Variants in EYA3 observed in about 807,000 individuals in gnomAD.
EYA3 encodes protein phosphatase EYA3.
Under a neutral mutation model 80.0 loss-of-function variants are expected in EYA3, and 39 were observed. That is an observed-to-expected ratio of 0.49 (90% CI 0.38 to 0.64). The LOEUF (loss-of-function observed/expected upper bound fraction) is 0.64, where lower values mean the gene tolerates loss of function less well. Among genes scored for constraint, EYA3 ranks in the 30% least tolerant of loss-of-function variants. The probability of loss-of-function intolerance (pLI) is 0.00; values close to 1 mark genes in which losing one functional copy is unlikely to be tolerated. For synonymous variants in EYA3, 206 were observed against 232.8 expected (o/e 0.88, Z 1.05); for missense variants, 523 against 676.1 (o/e 0.77, Z 2.51).
Position 28,013,320 on chromosome 1 carries a change from C to G in EYA3, c.586-26G>C, listed in dbSNP as rs756316046. 1 of 1,578,234 alleles carries G rather than the reference C, an allele frequency of 6.3e-7. No homozygotes were observed. Among genetic ancestry groups the G allele is most frequent in the East Asian group, 2.3e-5 (1 of 44,424 alleles). ...CTGCAGGCCAAAGGAAATAAGAAAA[C>G]AAGACTCTTATAGCATACATTAATC... On this transcript the variant is annotated intron_variant, in intron 8 of 17. Transcript: ENST00000373871. This position sits in a 1 kb window ranked among gnomAD's most constrained non-coding sequence, Gnocchi z 4.0.
chr1:28,042,438 A>G, intron 4 of EYA3, 133 bp downstream of exon 4: 1 of 714,404 alleles, frequency 1.4e-6, no homozygotes, highest in South Asian at 1.8e-5. Flanking sequence ...ATAAACACAC[A>G]CAAAAACAAG....
intron 6 of EYA3, among the ~76,000 whole-genome samples, chr1:28,033,659 TATTATTA>T (rs1557595746): frequency 8.4e-5 from 12 of 143,208 alleles, no homozygotes; most frequent in Non-Finnish European, 1.4e-4. Flanking sequence ...TTATTATTAT[TATTATTA>T]TTATTTTTGA....
At chr1:28,021,729 C>G (rs4908388) in intron 7 of EYA3, among the ~76,000 whole-genome samples, 60,550 of 151,408 alleles carry the variant, frequency 0.4, 12,713 homozygotes, top group Middle Eastern at 0.51. Context: ...TCAGCCTCCC[C>G]GAGTAGCTGG....
chr1:28,059,291 G>T (rs1431113248), intron 1 of EYA3, among the ~76,000 whole-genome samples: 7 of 152,118 alleles, frequency 4.6e-5, no homozygotes, highest in African/African-American at 1.7e-4. Flanking sequence ...AATATCAAAA[G>T]AAAAAAGAAG....
intron 1 of EYA3, among the ~76,000 whole-genome samples, chr1:28,070,474 A>C (rs1571950417): frequency 6.6e-6 from 1 of 152,262 alleles, no homozygotes; most frequent in Non-Finnish European, 1.5e-5. Flanking sequence ...AGGCAGAAGA[A>C]TCACTTGAAC....
At chr1:28,075,411 G>C (rs1645165827) in intron 1 of EYA3, among the ~76,000 whole-genome samples, 1 of 152,190 alleles carries the variant, frequency 6.6e-6, no homozygotes, top group Non-Finnish European at 1.5e-5. Context: ...AAGGGGAAAG[G>C]TTGTTTGTAC....
chr1:28,077,471 T>C (rs1259172052), intron 1 of EYA3, among the ~76,000 whole-genome samples: 2 of 152,076 alleles, frequency 1.3e-5, no homozygotes, highest in Non-Finnish European at 2.9e-5. Flanking sequence ...TAGTAAAAAG[T>C]ATTAAGAAGG....
intron 1 of EYA3, among the ~76,000 whole-genome samples, chr1:28,062,750 C>T (rs1644680717): frequency 6.6e-6 from 1 of 151,404 alleles, no homozygotes; most frequent in African/African-American, 2.4e-5. Context: ...CCTGTAATCC[C>T]AGCACTTTAG....
intron 16 of EYA3, among the ~76,000 whole-genome samples, chr1:27,987,686 C>T (rs949083459): frequency 2.6e-5 from 4 of 152,096 alleles, no homozygotes; most frequent in Admixed American, 6.5e-5. Flanking sequence ...CTTGTCAATA[C>T]CTTTTATTTA....
chr1:28,021,869 T>C (rs946195357), intron 7 of EYA3, among the ~76,000 whole-genome samples: 5 of 152,092 alleles, frequency 3.3e-5, no homozygotes, highest in Non-Finnish European at 7.4e-5. Context: ...CCTCTCAAAG[T>C]GCTGGGATTA....
chr1:28,048,384 T>C lies in EYA3; in HGVS notation c.76A>G (p.Ser26Gly), dbSNP rs111830914. 3.1e-6 allele frequency: 5 copies of C among 1,609,276 alleles called. No homozygotes were observed. The highest frequency in any genetic ancestry group is 1.3e-5 in the African/African-American group (1 of 74,768). ...AAAAAGAAAGCAAACTTTACATACCTTATAGTTTGCTCTCCTGATTCCTGC... is the reference window on the plus strand; with the variant it reads ...AAAAAGAAAGCAAACTTTACATACCCTATAGTTTGCTCTCCTGATTCCTGC... ...KMQESGEQTI[S>G]QVSNPDVSDQ... The change falls in exon 3 of 18, where the codon AGT becomes GGT. Residue 26 changes from serine to glycine, a missense_variant and splice_region_variant. By Grantham distance (56) the Ser-to-Gly change is moderately conservative (BLOSUM62 0). This residue lies in a region of EYA3 where 304 missense variants were observed against 343.3 expected (regional missense o/e 0.89). Coordinates refer to ENST00000373871, the MANE Select transcript of EYA3 (RefSeq NM_001990.4).
In EYA3 at chr1:27,971,466, C is replaced by T. The variant is rs1487883410; in HGVS notation, c.*3000G>A. 3 of 152,086 alleles carry T rather than the reference C, an allele frequency of 2.0e-5. No homozygotes were observed. Among genetic ancestry groups the T allele is most frequent in the South Asian group, 2.1e-4 (1 of 4,812 alleles). The allele number at this position is 152,086 out of a possible 1,614,324, so 9.4% of individuals were successfully genotyped here. ...AAAATTAGCCAGGCGTGGTGGTGGG[C>T]GCCTGTAATCTCAGCTAATCAGGAG... On this transcript the variant is annotated 3_prime_UTR_variant, in exon 18 of 18. Transcript: ENST00000373871.
rs1365875706 is a variant in EYA3 at position 28,003,550 on chromosome 1, A to G, written c.993+786T>C. Among the ~76,000 whole-genome samples the G allele has an allele frequency of 7.2e-5, 11 of 152,300 alleles. 1 individual carries two copies. The South Asian group carries it at 2.1e-3, about 29-fold the overall frequency. On this transcript the variant is annotated intron_variant, in intron 11 of 17. Transcript: ENST00000373871. ...ATTAGTAACCATATGAAATAACTGG[A>G]AGTAACAGGACAGGTAAAGGAGGCA...
rs529526069 is a variant in EYA3 at position 28,009,988 on chromosome 1, C to T, written c.909+959G>A. ...TTTAGACAATTAAAAAATGAGTTAT[C>T]AGTTTTTCCTAAGAAATATATCAGA... On this transcript the variant is annotated intron_variant, in intron 10 of 17. Coordinates refer to ENST00000373871, the MANE Select transcript of EYA3 (RefSeq NM_001990.4). This position sits in a 1 kb window ranked among gnomAD's most constrained non-coding sequence, Gnocchi z 4.8. Among the ~76,000 whole-genome samples the T allele has an allele frequency of 6.6e-6, 1 of 152,264 alleles. No homozygotes were observed. The highest frequency in any genetic ancestry group is 2.4e-5 in the African/African-American group (1 of 41,564).
chr1:28,000,569 C>T (rs1640763509), intron 11 of EYA3, among the ~76,000 whole-genome samples: 1 of 151,760 alleles, frequency 6.6e-6, no homozygotes, highest in African/African-American at 2.4e-5. Flanking sequence ...CCGTCGGCCT[C>T]CCAAAGTGCT....
intron 17 of EYA3, chr1:27,977,288 TTTATTATAG>T (rs1638983036): frequency 5.2e-6 from 8 of 1,549,262 alleles, no homozygotes; most frequent in Non-Finnish European, 7.0e-6. Context: ...AATCTCATAG[TTTATTATAG>T]TTGCTAAGGT....
chr1:28,038,439 TAAA>T (rs74525723), intron 5 of EYA3, among the ~76,000 whole-genome samples: 3 of 68,502 alleles, frequency 4.4e-5, no homozygotes, highest in Admixed American at 1.6e-4. Context: ...GATTCTATCT[TAAA>T]AAAAAAAAAA....
At chr1:27,979,281 T>A (rs1172200742) in intron 16 of EYA3, among the ~76,000 whole-genome samples, 1 of 152,246 alleles carries the variant, frequency 6.6e-6, no homozygotes, top group African/African-American at 2.4e-5. Context: ...CAATTCTTCA[T>A]TTCCCAGAAA....
At chr1:28,024,422 C>T (rs574935318) in intron 7 of EYA3, among the ~76,000 whole-genome samples, 1 of 151,914 alleles carries the variant, frequency 6.6e-6, no homozygotes, top group Non-Finnish European at 1.5e-5. Flanking sequence ...TTTGGGAGGC[C>T]GAAGCAGGTG....
Sources: gnomAD v4.1 joint callset for allele counts (sites outside exome capture counted in the v4.1 genomes callset) on GRCh38, gnomAD v4.1.1 for gene constraint, gnomAD v4.1.1 regional missense constraint, Gnocchi (gnomAD v3.1) non-coding constraint, MANE v1.5 for transcripts, NCBI Gene and HGNC (gene_info 2026-07-23, HGNC 2026-07-21) for gene names.